Variants in PALM2AKAP2 observed in about 807,000 individuals in gnomAD.
The protein encoded by PALM2AKAP2 is PALM2-AKAP2 fusion protein.
In PALM2AKAP2, 37 loss-of-function variants were observed where a neutral mutation model predicts 71.5. That is an observed-to-expected ratio of 0.52 (90% CI 0.40 to 0.68). The LOEUF is 0.68. PALM2AKAP2 is among the 30% of genes least tolerant of loss of function. PALM2AKAP2 has a pLI of 0.00. For missense variants in PALM2AKAP2, 1,224 were observed against 1,191.8 expected, an observed-to-expected ratio of 1.03 and a Z score of -0.40; for synonymous variants, 468 against 478.8, an observed-to-expected ratio of 0.98 and a Z score of 0.29.
At chr9:110,004,185 G>A (rs1001240909) in intron 6 of PALM2AKAP2, among the ~76,000 whole-genome samples, 17 of 152,088 alleles carry the variant, frequency 1.1e-4, no homozygotes, top group African/African-American at 3.4e-4. Context: ...TCCTTTCCAC[G>A]TTTAGTGCTT....
At chr9:110,027,992 T>C (rs142312175) in intron 7 of PALM2AKAP2, among the ~76,000 whole-genome samples, 5 of 152,288 alleles carry the variant, frequency 3.3e-5, no homozygotes, top group African/African-American at 1.2e-4. Context: ...CTAAATTTGG[T>C]TCCTTGCCAA....
chr9:110,040,284 C>T (rs971826235), intron 7 of PALM2AKAP2, among the ~76,000 whole-genome samples: 1 of 152,126 alleles, frequency 6.6e-6, no homozygotes. Flanking sequence ...ACCTTATAAT[C>T]GTAATAGTTA....
chr9:110,079,356 C>G (rs568451421), intron 1 of PALM2AKAP2, among the ~76,000 whole-genome samples: 51 of 152,228 alleles, frequency 3.4e-4, no homozygotes, highest in African/African-American at 1.1e-3. Flanking sequence ...ATTAGCCAAG[C>G]ATGGCGGTGC....
intron 1 of PALM2AKAP2, among the ~76,000 whole-genome samples, chr9:109,707,965 C>T (rs1279348477): frequency 6.6e-6 from 1 of 152,196 alleles, no homozygotes; most frequent in African/African-American, 2.4e-5. Flanking sequence ...AGGCCAAGCC[C>T]AGTGCCTTTC....
intron 1 of PALM2AKAP2, chr9:109,760,627 A>G (rs1388682446): frequency 6.6e-6 from 1 of 152,184 alleles, no homozygotes; most frequent in Non-Finnish European, 1.5e-5. Context: ...AATTCTAGTA[A>G]GAGAGAGTTA....
intron 1 of PALM2AKAP2, among the ~76,000 whole-genome samples, chr9:109,686,894 T>C (rs1827813192): frequency 6.7e-6 from 1 of 149,560 alleles, no homozygotes; most frequent in Admixed American, 6.7e-5. Flanking sequence ...GTTCTCATTG[T>C]TCAATTCCCA....
intron 6 of PALM2AKAP2, among the ~76,000 whole-genome samples, chr9:109,986,685 C>CTT (rs1832384809): frequency 6.6e-6 from 1 of 152,186 alleles, no homozygotes; most frequent in Non-Finnish European, 1.5e-5. Context: ...ATTATTTTCT[C>CTT]TGAGTCTTTA....
intron 1 of PALM2AKAP2, among the ~76,000 whole-genome samples, chr9:109,708,337 T>A (rs1050552841): frequency 2.6e-5 from 4 of 152,182 alleles, no homozygotes; most frequent in Non-Finnish European, 4.4e-5. Flanking sequence ...AGGACCTCAA[T>A]CAATACCCTT....
At chr9:109,877,134 C>T (rs1171994815) in intron 2 of PALM2AKAP2, among the ~76,000 whole-genome samples, 1 of 152,158 alleles carries the variant, frequency 6.6e-6, no homozygotes. Context: ...GAAGGGTCCA[C>T]ACCAACGCCA....
intron 1 of PALM2AKAP2, among the ~76,000 whole-genome samples, chr9:109,828,265 C>G (rs1828207862): frequency 6.6e-6 from 1 of 152,114 alleles, no homozygotes; most frequent in Admixed American, 6.6e-5. Flanking sequence ...TGGCAGCTTA[C>G]CAGGCTATGT....
chr9:109,683,159 G>A (rs1278479289), intron 1 of PALM2AKAP2, among the ~76,000 whole-genome samples: 2 of 152,152 alleles, frequency 1.3e-5, no homozygotes, highest in Non-Finnish European at 2.9e-5. Flanking sequence ...TAAGTTTCCT[G>A]AGGCCTCCCC....
At chr9:109,702,397 G>GTGT in intron 1 of PALM2AKAP2, among the ~76,000 whole-genome samples, 1 of 152,288 alleles carries the variant, frequency 6.6e-6, no homozygotes, top group Middle Eastern at 3.4e-3. Context: ...ATACACCATG[G>GTGT]AATACTATGC....
At chr9:109,817,724 C>T (rs985734229) in intron 1 of PALM2AKAP2, among the ~76,000 whole-genome samples, 6 of 152,148 alleles carry the variant, frequency 3.9e-5, no homozygotes, top group African/African-American at 9.7e-5. Context: ...TGACTTGCAG[C>T]GAGGAAGGTA....
At chr9:109,900,592 A>C (rs1410694730) in intron 3 of PALM2AKAP2, among the ~76,000 whole-genome samples, 2 of 152,220 alleles carry the variant, frequency 1.3e-5, no homozygotes, top group Admixed American at 6.5e-5. Flanking sequence ...TTCATCATTC[A>C]ATCAAGTGCT....
intron 1 of PALM2AKAP2, among the ~76,000 whole-genome samples, chr9:109,727,556 A>C (rs999499857): frequency 1.3e-5 from 2 of 152,244 alleles, no homozygotes; most frequent in Non-Finnish European, 2.9e-5. Flanking sequence ...GCAGGTGGCC[A>C]ATGATGAGGC....
chr9:109,733,704 A>G (rs1235330160), intron 1 of PALM2AKAP2, among the ~76,000 whole-genome samples: 1 of 152,190 alleles, frequency 6.6e-6, no homozygotes. Context: ...TTTTCCCTCA[A>G]TTTTAATCAC....
intron 7 of PALM2AKAP2, among the ~76,000 whole-genome samples, chr9:110,021,439 G>C (rs1004493268): frequency 6.6e-6 from 1 of 152,206 alleles, no homozygotes; most frequent in Non-Finnish European, 1.5e-5. Flanking sequence ...GTGTGTGGTA[G>C]TTTGTTATGG....
intron 1 of PALM2AKAP2, among the ~76,000 whole-genome samples, chr9:109,686,456 C>T (rs570424698): frequency 1.3e-5 from 2 of 152,272 alleles, no homozygotes; most frequent in Admixed American, 1.3e-4. Flanking sequence ...TTGTACATCT[C>T]CATCAAAGTC....
chr9:110,038,075 G>GC (rs1833444401), intron 7 of PALM2AKAP2, among the ~76,000 whole-genome samples: 1 of 152,210 alleles, frequency 6.6e-6, no homozygotes, highest in Non-Finnish European at 1.5e-5. Flanking sequence ...AGTCGCTCAT[G>GC]CCTATAATCC....
Sources: gnomAD v4.1 joint callset for allele counts (sites outside exome capture counted in the v4.1 genomes callset) on GRCh38, gnomAD v4.1.1 for gene constraint, MANE v1.5 for transcripts, NCBI Gene and HGNC (gene_info 2026-07-23, HGNC 2026-07-21) for gene names.